The following NECAP2 variants were observed in gnomAD, a reference collection of about 807,000 sequenced individuals.
NECAP2 encodes the protein adaptin ear-binding coat-associated protein 2.
Under a neutral mutation model 37.8 loss-of-function variants are expected in NECAP2, and 38 were observed. The observed-to-expected ratio is 1.01, with a 90% CI of 0.78 to 1.32. NECAP2 has a LOEUF of 1.32. Among genes scored for constraint, NECAP2 ranks in the 40% most tolerant of loss-of-function variants. NECAP2 has a pLI of 0.00. For missense variants in NECAP2, 316 were observed against 334.5 expected (o/e 0.94, Z 0.43); for synonymous variants, 121 against 127.7 (o/e 0.95, Z 0.35).
intron 6 of NECAP2, among the ~76,000 whole-genome samples, chr1:16,454,476 C>T (rs2086890472): frequency 6.6e-6 from 1 of 152,300 alleles, no homozygotes; most frequent in South Asian, 2.1e-4. Flanking sequence ...CTGCCTCAGC[C>T]TCCCAAGTAG....
chr1:16,451,910 C>T lies in NECAP2; in HGVS notation c.562C>T (p.Leu188Phe), dbSNP rs116562880. ...TGCCAGCACAGGAGGGCTGAGCCTG[C>T]TTCCCCCTCCCCCAGGGGGGAAAAC... is the stretch of plus-strand genomic sequence containing the variant. ...RPASTGGLSL[L>F]PPPPGGKTST... The change falls in exon 6 of 8, where the codon CTT becomes TTT. Residue 188 changes from leucine (L) to phenylalanine (F), a missense_variant. Around this residue, in one of 3 missense-constraint regions of NECAP2, gnomAD observed 204 missense variants for 188.6 expected, o/e 1.08. Coordinates refer to ENST00000337132, the MANE Select transcript of NECAP2 (RefSeq NM_018090.5). The T allele has an allele frequency of 3.1e-6, 5 of 1,614,056 alleles. No individual in the cohort carries two copies. In the African/African-American group the frequency reaches 6.7e-5, roughly 22 times the overall value.
rs971079273 is a variant in NECAP2 at position 16,453,005 on chromosome 1, G to A, written c.667+990G>A. ...AGGGGCAGTCAGAGAGCCCCGGCCC[G>A]GTACCAGGAACTGTTCTTTAAGTGC... On this transcript the variant is annotated intron_variant, in intron 6 of 7. Coordinates refer to ENST00000337132, the MANE Select transcript of NECAP2 (RefSeq NM_018090.5). Among the ~76,000 whole-genome samples, 15 of 152,260 alleles carry A rather than the reference G, an allele frequency of 9.9e-5. No homozygotes were observed. The East Asian group carries it at 2.5e-3, about 25-fold the overall frequency.
intron 2 of NECAP2, among the ~76,000 whole-genome samples, chr1:16,443,974 G>A (rs2086725776): frequency 1.3e-5 from 2 of 152,190 alleles, no homozygotes; most frequent in African/African-American, 4.8e-5. Flanking sequence ...TCAGGAAAAT[G>A]TGGGGGCCAA....
chr1:16,441,518 CTT>C (rs1385652561), intron 1 of NECAP2: 1 of 152,212 alleles, frequency 6.6e-6, no homozygotes, highest in African/African-American at 2.4e-5. Flanking sequence ...AGGAAACTTC[CTT>C]TCCCTTTTGT....
chr1:16,449,284 A>G, intron 5 of NECAP2, 83 bp downstream of exon 5: 2 of 881,324 alleles, frequency 2.3e-6, no homozygotes, highest in South Asian at 3.2e-5. Context: ...CTTACAGTTC[A>G]GCTCCTTCAG....
chr1:16,447,908 G>A lies in NECAP2; in HGVS notation c.232G>A (p.Gly78Ser), dbSNP rs150581659. 2.6e-4 allele frequency: 424 copies of A among 1,614,114 alleles called. No individual in the cohort carries two copies. The highest frequency in any genetic ancestry group is 3.1e-4 in the Non-Finnish European group (365 of 1,180,018). The stretch of plus-strand genomic sequence containing the variant: ...TCAGGCCCCGGTGGATCAGTTTCCT[G>A]GCACAGCTGTGGAGAGTGTGACGGA... Reference protein sequence around the residue: ...FAQAPVDQFPGTAVESVTDSS... With the variant: ...FAQAPVDQFPSTAVESVTDSS... Residue 78 changes from glycine to serine, a missense_variant, in exon 3 of 8, where the codon GGC (glycine) becomes AGC (serine). Physicochemically the swap from Gly to Ser is moderately conservative, Grantham distance 56. This residue lies in a region of NECAP2 where 81 missense variants were observed against 124.2 expected (regional missense o/e 0.65). Coordinates refer to ENST00000337132, the MANE Select transcript of NECAP2 (RefSeq NM_018090.5).
intron 7 of NECAP2, among the ~76,000 whole-genome samples, chr1:16,457,166 G>C (rs1360533644): frequency 3.9e-5 from 6 of 152,142 alleles, no homozygotes. Flanking sequence ...TACAAAAATA[G>C]AGGCATGGGC....
At chr1:16,449,321 CCT>C in intron 5 of NECAP2, 120 bp downstream of exon 5, 1 of 670,590 alleles carries the variant, frequency 1.5e-6, no homozygotes, top group Non-Finnish European at 2.6e-6. Context: ...TGAGCATCTG[CCT>C]TGTGCCAGGT....
chr1:16,453,644 A>G (rs1165200838), intron 6 of NECAP2, among the ~76,000 whole-genome samples: 1 of 151,558 alleles, frequency 6.6e-6, no homozygotes, highest in Non-Finnish European at 1.5e-5. Context: ...ACGCACCACC[A>G]CGCCCAGCTA....
chr1:16,455,944 A>G (rs764513586), intron 7 of NECAP2, 51 bp downstream of exon 7: 2 of 1,384,750 alleles, frequency 1.4e-6, no homozygotes, highest in African/African-American at 1.4e-5. Flanking sequence ...CCGTTGCTCT[A>G]CAAACCTGGT....
intron 6 of NECAP2, among the ~76,000 whole-genome samples, chr1:16,454,501 A>G (rs896192383): frequency 1.3e-5 from 2 of 152,046 alleles, no homozygotes; most frequent in African/African-American, 2.4e-5. Context: ...CATTACAGGC[A>G]TGCACCACCA....
At chr1:16,451,741 G>A (rs1460786119) in intron 5 of NECAP2, 97 bp from the exon 6 acceptor site, 1 of 1,278,658 alleles carries the variant, frequency 7.8e-7, no homozygotes, top group Non-Finnish European at 1.1e-6. Flanking sequence ...CACAGATGTT[G>A]GGGGTCTGGG....
At chr1:16,446,430 G>A (rs1436664327) in intron 2 of NECAP2, among the ~76,000 whole-genome samples, 1 of 152,166 alleles carries the variant, frequency 6.6e-6, no homozygotes, top group African/African-American at 2.4e-5. Context: ...ATGGTGGCAT[G>A]TGCCTGTATT....
chr1:16,450,280 GTTT>G (rs1176292551), intron 5 of NECAP2: 1 of 361,170 alleles, frequency 2.8e-6, no homozygotes, highest in South Asian at 2.0e-5. Flanking sequence ...TTTTTGTTTT[GTTT>G]TGTTGTTTTT....
chr1:16,458,511 A>G (rs1239227325), intron 7 of NECAP2, among the ~76,000 whole-genome samples: 3 of 151,954 alleles, frequency 2.0e-5, no homozygotes, highest in African/African-American at 7.3e-5. Context: ...GGATCGCTTG[A>G]GCTCAAGAGG....
In NECAP2 at chr1:16,446,509, T is replaced by C. The variant is rs184232914; in HGVS notation, c.194-1361T>C. 3.5e-3 allele frequency among the ~76,000 whole-genome samples: 535 copies of C among 151,918 alleles called. 3 individuals are homozygous for C. The highest frequency in any genetic ancestry group is 0.012 in the African/African-American group (516 of 41,446). On this transcript the variant is annotated intron_variant, in intron 2 of 7. Coordinates refer to ENST00000337132, the MANE Select transcript of NECAP2 (RefSeq NM_018090.5). ...AGGAGTTCGAGGCTGCAGTGAGCTATGGTGCACTGCACACTGCACTTCAAT... is the reference window on the plus strand; with the variant it reads ...AGGAGTTCGAGGCTGCAGTGAGCTACGGTGCACTGCACACTGCACTTCAAT...
intron 1 of NECAP2, among the ~76,000 whole-genome samples, chr1:16,442,027 A>G (rs1471093160): frequency 4.8e-5 from 7 of 145,706 alleles, no homozygotes; most frequent in Non-Finnish European, 7.5e-5. Context: ...TGTCCAGGCT[A>G]GAGTGCAATG....
At chr1:16,446,349 T>G (rs969865357) in intron 2 of NECAP2, among the ~76,000 whole-genome samples, 3 of 152,124 alleles carry the variant, frequency 2.0e-5, no homozygotes, top group African/African-American at 7.2e-5. Flanking sequence ...GGAGGATCAC[T>G]TAAGACCAGG....
intron 4 of NECAP2, among the ~76,000 whole-genome samples, chr1:16,448,803 A>C (rs2086800019): frequency 6.6e-6 from 1 of 152,136 alleles, no homozygotes; most frequent in South Asian, 2.1e-4. Context: ...TCCTAGAGAT[A>C]GTGTTAGGAC....
Sources: gnomAD v4.1 joint callset for allele counts (sites outside exome capture counted in the v4.1 genomes callset) on GRCh38, gnomAD v4.1.1 for gene constraint, gnomAD v4.1.1 regional missense constraint, MANE v1.5 for transcripts, NCBI Gene and HGNC (gene_info 2026-07-23, HGNC 2026-07-21) for gene names.